MACROD2: variants seen among roughly 807,000 people sequenced by gnomAD.
MACROD2 encodes mono-ADP ribosylhydrolase 2.
A neutral mutation model predicts 70.4 loss-of-function variants in MACROD2; 36 were observed. The ratio of observed to expected loss-of-function variants is 0.51; its 90% CI spans 0.39 to 0.68. The LOEUF (loss-of-function observed/expected upper bound fraction) is 0.68. Ranked by LOEUF, MACROD2 falls within the 30% of genes least tolerant of loss-of-function variation. The probability of loss-of-function intolerance (pLI) is 0.00; values close to 1 mark genes in which losing one functional copy is unlikely to be tolerated. For missense variants in MACROD2, 496 were observed against 538.4 expected (o/e 0.92, Z 0.78); for synonymous variants, 172 against 178.8 (o/e 0.96, Z 0.30).
At chr20:14,227,466 C>T (rs913943533) in intron 3 of MACROD2, among the ~76,000 whole-genome samples, 1 of 151,902 alleles carries the variant, frequency 6.6e-6, no homozygotes, top group African/African-American at 2.4e-5. Context: ...CCGGGAGGAA[C>T]GAACAACTCC....
intron 8 of MACROD2, among the ~76,000 whole-genome samples, chr20:15,631,144 C>G (rs2049284735): frequency 6.6e-6 from 1 of 152,200 alleles, no homozygotes; most frequent in Non-Finnish European, 1.5e-5. Flanking sequence ...GAGGGACATA[C>G]TAGCAAAGAC....
At chr20:14,659,457 C>T (rs1350445021) in intron 4 of MACROD2, among the ~76,000 whole-genome samples, 6 of 152,246 alleles carry the variant, frequency 3.9e-5, no homozygotes, top group South Asian at 2.1e-4. Context: ...GGAGCTTTCA[C>T]TCAGCAACCA....
chr20:14,070,321 G>A (rs1266559733), intron 2 of MACROD2, among the ~76,000 whole-genome samples: 10 of 22,754 alleles, frequency 4.4e-4, no homozygotes, highest in Admixed American at 7.4e-4. Flanking sequence ...GTATAGAGGG[G>A]TTTGTGTGTG....
chr20:16,020,486 T>C (rs1431085953), intron 15 of MACROD2, among the ~76,000 whole-genome samples: 2 of 151,692 alleles, frequency 1.3e-5, no homozygotes, highest in African/African-American at 2.4e-5. Flanking sequence ...CACATCAGTC[T>C]GTGGAAGGAA....
chr20:14,361,127 C>G (rs991931711), intron 3 of MACROD2, among the ~76,000 whole-genome samples: 3 of 152,090 alleles, frequency 2.0e-5, no homozygotes, highest in African/African-American at 7.2e-5. Context: ...TGTGCCAAGG[C>G]CATTGAAAGT....
At chr20:15,977,007 C>A (rs77323955) in intron 13 of MACROD2, among the ~76,000 whole-genome samples, 2 of 152,176 alleles carry the variant, frequency 1.3e-5, no homozygotes, top group South Asian at 2.1e-4. Context: ...TGGGGACCTG[C>A]TCATTCTTGA....
At position 15,997,988 on chromosome 20, in the gene MACROD2, G is replaced by T. The variant is rs1269137336; in HGVS notation, c.1153+10830G>T. On this transcript the variant is annotated intron_variant, in intron 15 of 17. Transcript: ENST00000684519. ...TTTCATCCTTCATTTTGTTAATGTG[G>T]TATATCAGATTTATTGATTTCCATA... 3.3e-5 allele frequency among the ~76,000 whole-genome samples: 5 copies of T among 152,208 alleles called. No homozygotes were observed. In the East Asian group the frequency reaches 9.6e-4, roughly 29 times the overall value.
chr20:15,195,040 A>T (rs918313978), intron 5 of MACROD2, among the ~76,000 whole-genome samples: 6 of 152,152 alleles, frequency 3.9e-5, no homozygotes, highest in African/African-American at 1.4e-4. Context: ...TATGCAGAAA[A>T]TTTAAAGTGG....
At chr20:15,815,889 A>G (rs1195981162) in intron 8 of MACROD2, among the ~76,000 whole-genome samples, 1 of 152,156 alleles carries the variant, frequency 6.6e-6, no homozygotes, top group Non-Finnish European at 1.5e-5. Context: ...CAAAACTTTT[A>G]AATCTTAAGT....
At chr20:14,840,877 G>A (rs1448488477) in intron 5 of MACROD2, among the ~76,000 whole-genome samples, 2 of 152,020 alleles carry the variant, frequency 1.3e-5, no homozygotes, top group Non-Finnish European at 2.9e-5. Context: ...AAAGAGTGCA[G>A]GGCTAGTATG....
intron 4 of MACROD2, among the ~76,000 whole-genome samples, chr20:14,594,636 G>A (rs951074492): frequency 1.3e-5 from 2 of 152,242 alleles, no homozygotes; most frequent in African/African-American, 4.8e-5. Flanking sequence ...GCTCACGCCT[G>A]TAATCCCAGC....
At chr20:14,128,018 G>C (rs2054673755) in intron 3 of MACROD2, 2 of 553,186 alleles carry the variant, frequency 3.6e-6, no homozygotes. Flanking sequence ...CTTTTGAACA[G>C]ATGCAAAATC....
At chr20:15,616,131 C>A (rs1600671244) in intron 8 of MACROD2, among the ~76,000 whole-genome samples, 2 of 125,778 alleles carry the variant, frequency 1.6e-5, no homozygotes, top group East Asian at 2.6e-4. Flanking sequence ...GAGACAGAGT[C>A]TCACTCTGTC....
chr20:14,021,231 C>T (rs569240830), intron 2 of MACROD2, among the ~76,000 whole-genome samples: 2 of 152,246 alleles, frequency 1.3e-5, no homozygotes, highest in South Asian at 2.1e-4. Context: ...CCTCGTGATC[C>T]GCCTACCTTC....
chr20:15,235,743 G>A (rs1287790582), intron 6 of MACROD2, among the ~76,000 whole-genome samples: 1 of 152,100 alleles, frequency 6.6e-6, no homozygotes, highest in East Asian at 1.9e-4. Context: ...ATCAATCAAT[G>A]CAGTTCTCTA....
chr20:15,379,243 T>A (rs1476938156), intron 6 of MACROD2, among the ~76,000 whole-genome samples: 2 of 152,170 alleles, frequency 1.3e-5, no homozygotes, highest in Non-Finnish European at 2.9e-5. Flanking sequence ...GGATAGCATC[T>A]TCTCATGAGA....
chr20:14,687,010 G>T (rs2071010574), intron 5 of MACROD2, among the ~76,000 whole-genome samples: 1 of 152,082 alleles, frequency 6.6e-6, no homozygotes, highest in South Asian at 2.1e-4. Flanking sequence ...TATTAACGGT[G>T]ATTTCTCTCT....
intron 3 of MACROD2, among the ~76,000 whole-genome samples, chr20:14,212,857 G>T (rs553025902): frequency 6.6e-6 from 1 of 151,878 alleles, no homozygotes; most frequent in South Asian, 2.1e-4. Flanking sequence ...AGGAAGGTTT[G>T]TTCCTGGGGC....
intron 8 of MACROD2, among the ~76,000 whole-genome samples, chr20:15,570,881 C>T (rs1568899849): frequency 6.7e-6 from 1 of 148,858 alleles, no homozygotes; most frequent in African/African-American, 2.5e-5. Context: ...GATCCACAGA[C>T]AAAAAAAAGA....
Sources: allele counts gnomAD v4.1 joint callset (sites outside exome capture counted in the v4.1 genomes callset), GRCh38; gene constraint gnomAD v4.1.1; transcripts MANE v1.5; gene names NCBI Gene and HGNC (gene_info 2026-07-23, HGNC 2026-07-21).